The following DMD variants were observed in gnomAD, a reference collection of about 807,000 sequenced individuals.
The protein encoded by DMD is dystrophin, also known as mutant dystrophin.
In DMD, 63 loss-of-function variants were observed where a neutral mutation model predicts 330.1. That is an observed-to-expected ratio of 0.19 (90% CI 0.16 to 0.24). The LOEUF is 0.24. DMD is among the 10% of genes least tolerant of loss of function. The pLI, the probability that DMD is intolerant of heterozygous loss-of-function variation, is 1.00. For missense variants in DMD, 3,344 were observed against 2,684.1 expected, an observed-to-expected ratio of 1.25 and a Z score of -5.43; for synonymous variants, 1,223 against 959.8, an observed-to-expected ratio of 1.27 and a Z score of -5.07.
At chrX:32,649,483 G>A (rs1329674288) in intron 9 of DMD, among the ~76,000 whole-genome samples, 3 of 106,401 alleles carry the variant, frequency 2.8e-5, no homozygotes, top group African/African-American at 1.0e-4. Context: ...GTGAACCCGG[G>A]AGGCGGAGCT....
intron 55 of DMD, among the ~76,000 whole-genome samples, chrX:31,596,130 AATT>A (rs2077102633): frequency 9.0e-6 from 1 of 111,516 alleles, no homozygotes; most frequent in South Asian, 3.7e-4. Flanking sequence ...ATTTGTTCTC[AATT>A]ATTTTGTACT....
rs148682914 is a variant in DMD, at chrX:31,152,869, G to C, written c.10554-5351C>G. Among the ~76,000 whole-genome samples, 628 of 101,673 alleles carry C rather than the reference G, an allele frequency of 6.2e-3. 4 individuals are homozygous for C. Among genetic ancestry groups the C allele is most frequent in the African/African-American group, 0.021 (596 of 28,599 alleles). The allele number at this position is 101,673 out of a possible 115,157, so 88.3% of individuals were successfully genotyped here. A position where few individuals can be genotyped will look rare whatever the true frequency, so the allele number is the denominator to read the frequency against. ...TCACTTTTTGATGTTTAACTTGGGT[G>C]GGGGGTGCTATCCCATTTCTTCATG... On this transcript the variant is annotated intron_variant, in intron 74 of 78. Transcript: ENST00000357033.
chrX:32,659,424 A>C (rs1458718735), intron 9 of DMD, among the ~76,000 whole-genome samples: 1 of 111,481 alleles, frequency 9.0e-6, no homozygotes, highest in East Asian at 2.8e-4. Flanking sequence ...GGGCATCTAT[A>C]GTGCTTCTGT....
intron 62 of DMD, among the ~76,000 whole-genome samples, chrX:31,301,119 T>C (rs1468780727): frequency 9.0e-6 from 1 of 111,465 alleles, no homozygotes; most frequent in African/African-American, 3.3e-5. Context: ...GCTACTGCCA[T>C]AGGTGGAGTC....
chrX:31,264,144 G>C (rs139549010), intron 62 of DMD, among the ~76,000 whole-genome samples: 6,302 of 112,058 alleles, frequency 0.056, 194 homozygotes, highest in Non-Finnish European at 0.087. Flanking sequence ...CGATTTTACA[G>C]CTTCGTTTCT....
chrX:32,491,176 G>T, intron 20 of DMD, 101 bp downstream of exon 20: 2 of 1,032,429 alleles, frequency 1.9e-6, no homozygotes, highest in Non-Finnish European at 2.7e-6. Flanking sequence ...ATCCTTAGAA[G>T]GTGAACGTTT....
At chrX:31,133,531 T>A (rs2034793284) in intron 77 of DMD, among the ~76,000 whole-genome samples, 1 of 112,043 alleles carries the variant, frequency 8.9e-6, no homozygotes, top group Non-Finnish European at 1.9e-5. Context: ...AATATTAATG[T>A]CTTTCTTTGC....
chrX:31,326,828 T>C (rs2056817070), intron 61 of DMD, among the ~76,000 whole-genome samples: 1 of 111,748 alleles, frequency 8.9e-6, no homozygotes, highest in Admixed American at 9.5e-5. Context: ...GTTGATCAAA[T>C]ATGTGGCAGT....
chrX:32,659,017 T>TC (rs1398737267), intron 9 of DMD, among the ~76,000 whole-genome samples: 1 of 112,079 alleles, frequency 8.9e-6, no homozygotes, highest in East Asian at 2.8e-4. Context: ...ACATTCAGCA[T>TC]CACCCTTTGC....
chrX:32,951,355 A>G (rs1157245200), intron 2 of DMD, among the ~76,000 whole-genome samples: 1 of 111,650 alleles, frequency 9.0e-6, no homozygotes, highest in African/African-American at 3.3e-5. Context: ...TTTTCTAGAC[A>G]TATAATTTTA....
intron 28 of DMD, among the ~76,000 whole-genome samples, chrX:32,439,324 A>G (rs2098272625): frequency 9.0e-6 from 1 of 111,386 alleles, no homozygotes; most frequent in Non-Finnish European, 1.9e-5. Context: ...TCAAGAAAAT[A>G]AAGAGACTTC....
At chrX:31,732,020 G>C (rs1159594130) in intron 51 of DMD, among the ~76,000 whole-genome samples, 1 of 110,819 alleles carries the variant, frequency 9.0e-6, no homozygotes, top group Non-Finnish European at 1.9e-5. Flanking sequence ...AACAAAATAG[G>C]TCTCAGGGTA....
intron 21 of DMD, among the ~76,000 whole-genome samples, chrX:32,473,982 C>A (rs183591957): frequency 1.8e-5 from 2 of 109,914 alleles, no homozygotes; most frequent in South Asian, 7.8e-4. Context: ...CTCTCTCCCC[C>A]CAACCTTCCC....
At chrX:32,070,942 G>T (rs759042491) in intron 44 of DMD, among the ~76,000 whole-genome samples, 3 of 111,477 alleles carry the variant, frequency 2.7e-5, no homozygotes, top group African/African-American at 9.8e-5. Flanking sequence ...GCAATAGTTT[G>T]CTGAGAATGA....
chrX:33,154,797 A>G (rs1286908138), intron 1 of DMD, among the ~76,000 whole-genome samples: 2 of 112,032 alleles, frequency 1.8e-5, no homozygotes, highest in Admixed American at 1.9e-4. Flanking sequence ...GTCAAAGGCA[A>G]GCCCATTTTA....
At chrX:31,589,545 T>C (rs2076773217) in intron 55 of DMD, among the ~76,000 whole-genome samples, 1 of 111,578 alleles carries the variant, frequency 9.0e-6, no homozygotes, top group Non-Finnish European at 1.9e-5. Flanking sequence ...GCATTTTCCA[T>C]GAGTGTAAAC....
At chrX:31,577,540 C>A (rs929487463) in intron 55 of DMD, among the ~76,000 whole-genome samples, 11 of 111,996 alleles carry the variant, frequency 9.8e-5, no homozygotes, top group African/African-American at 3.3e-4. Flanking sequence ...TTTAAAGAAC[C>A]ACAGCAGCTT....
intron 32 of DMD, among the ~76,000 whole-genome samples, chrX:32,388,004 T>G (rs1385570066): frequency 9.0e-6 from 1 of 111,646 alleles, no homozygotes; most frequent in African/African-American, 3.2e-5. Flanking sequence ...AAACATGTCT[T>G]GAAGGCAAGA....
intron 44 of DMD, among the ~76,000 whole-genome samples, chrX:32,185,312 G>A (rs917620368): frequency 9.0e-6 from 1 of 111,168 alleles, no homozygotes; most frequent in African/African-American, 3.3e-5. Flanking sequence ...AACATTGCCA[G>A]TAACTATCTG....
Sources: gnomAD v4.1 joint callset for allele counts (sites outside exome capture counted in the v4.1 genomes callset) on GRCh38, gnomAD v4.1.1 for gene constraint, MANE v1.5 for transcripts, NCBI Gene and HGNC (gene_info 2026-07-23, HGNC 2026-07-21) for gene names.